The following SRFBP1 variants were observed in gnomAD, a reference collection of about 807,000 sequenced individuals.
SRFBP1 encodes serum response factor binding protein 1.
In SRFBP1, 47 loss-of-function variants were observed where a neutral mutation model predicts 45.5. The observed-to-expected ratio is 1.03, with a 90% CI of 0.82 to 1.32. The LOEUF (loss-of-function observed/expected upper bound fraction) is 1.32, where lower values mean the gene tolerates loss of function less well. Ranked by LOEUF, SRFBP1 falls within the 40% of genes most tolerant of loss-of-function variation. SRFBP1 has a pLI of 0.00. For synonymous variants in SRFBP1, 203 were observed against 166.3 expected (o/e 1.22, Z -1.70); for missense variants, 621 against 484.6 (o/e 1.28, Z -2.64).
At chr5:122,039,694 C>G (rs1753743605) in intron 2 of SRFBP1, among the ~76,000 whole-genome samples, 1 of 152,096 alleles carries the variant, frequency 6.6e-6, no homozygotes, top group Non-Finnish European at 1.5e-5. Context: ...TGAATAATTG[C>G]ATTGAGCAGA....
chr5:122,064,024 C>T (rs545222168), intron 2 of SRFBP1: 1 of 151,976 alleles, frequency 6.6e-6, no homozygotes, highest in Admixed American at 6.6e-5. Context: ...ATCTTTAACC[C>T]AGACTGTGGT....
chr5:121,977,160 G>GGTT, intron 3 of SRFBP1, among the ~76,000 whole-genome samples: 1 of 152,084 alleles, frequency 6.6e-6, no homozygotes, highest in African/African-American at 2.4e-5. Context: ...CATCACTATC[G>GGTT]TGGTTTGGTT....
chr5:122,051,261 C>T (rs961830205), intron 2 of SRFBP1, among the ~76,000 whole-genome samples: 1 of 151,798 alleles, frequency 6.6e-6, no homozygotes, highest in African/African-American at 2.4e-5. Context: ...AGAGTTCTGT[C>T]TGTTAGGTCC....
intron 3 of SRFBP1, among the ~76,000 whole-genome samples, chr5:121,985,529 G>A (rs1194168896): frequency 6.6e-6 from 1 of 151,702 alleles, no homozygotes; most frequent in Non-Finnish European, 1.5e-5. Context: ...TAATAAACTT[G>A]AATGAAAGAC....
At chr5:122,051,038 A>G (rs564338499) in intron 2 of SRFBP1, among the ~76,000 whole-genome samples, 5 of 152,144 alleles carry the variant, frequency 3.3e-5, no homozygotes, top group African/African-American at 9.6e-5. Context: ...CAGGTTATTT[A>G]TTTCTAGGTA....
chr5:122,035,181 G>A (rs547274560), intron 2 of SRFBP1, among the ~76,000 whole-genome samples: 1 of 151,874 alleles, frequency 6.6e-6, no homozygotes, highest in Non-Finnish European at 1.5e-5. Flanking sequence ...GTTTTTTCCA[G>A]TAGGGAAAAA....
Position 122,073,305 on chromosome 5 carries a change from T to C in SRFBP1, n.312-2010T>C, listed in dbSNP as rs567386222. Among the ~76,000 whole-genome samples the C allele has an allele frequency of 4.2e-4, 64 of 152,330 alleles. 2 individuals are homozygous for C. In the South Asian group the frequency reaches 0.013, roughly 30 times the overall value. On this transcript the variant is annotated intron_variant and non_coding_transcript_variant, in intron 2 of 2. Transcript: ENST00000504881. ...CCAATGATAAAACATGCAAACTGCT[T>C]AGTTCAGCACTACTTTAAAAAAATC... is the stretch of plus-strand genomic sequence containing the variant.
intron 2 of SRFBP1, among the ~76,000 whole-genome samples, chr5:122,047,304 A>G (rs1401237432): frequency 1.3e-5 from 2 of 152,180 alleles, no homozygotes; most frequent in African/African-American, 4.8e-5. Context: ...TAAATAGGGA[A>G]TCGTTTCCCC....
chr5:122,067,236 G>A (rs1754325019), intron 2 of SRFBP1, among the ~76,000 whole-genome samples: 1 of 151,982 alleles, frequency 6.6e-6, no homozygotes, highest in African/African-American at 2.4e-5. Context: ...AGATCTTCAT[G>A]TAAGGAAGTG....
chr5:122,054,717 A>G (rs996770661), intron 2 of SRFBP1, among the ~76,000 whole-genome samples: 6 of 152,108 alleles, frequency 3.9e-5, no homozygotes, highest in African/African-American at 1.2e-4. Flanking sequence ...CTCCACTACT[A>G]TTAGTTGGCA....
At chr5:122,025,192 A>G (rs1473322018) in intron 7 of SRFBP1, among the ~76,000 whole-genome samples, 4 of 151,070 alleles carry the variant, frequency 2.6e-5, no homozygotes, top group Admixed American at 6.6e-5. Flanking sequence ...ATTCCCACCT[A>G]TGAGTGAGGA....
At chr5:121,993,225 C>T (rs1752652459) in intron 3 of SRFBP1, among the ~76,000 whole-genome samples, 2 of 152,046 alleles carry the variant, frequency 1.3e-5, no homozygotes, top group South Asian at 4.2e-4. Context: ...CAAAAGTTGG[C>T]AAAATTACCT....
intron 5 of SRFBP1, among the ~76,000 whole-genome samples, chr5:122,019,681 A>G (rs1018551379): frequency 1.3e-5 from 2 of 151,150 alleles, no homozygotes; most frequent in African/African-American, 4.8e-5. Context: ...ATATATGTTT[A>G]TTATAAAATA....
At chr5:121,963,652 G>A (rs1200704368) in intron 1 of SRFBP1, among the ~76,000 whole-genome samples, 1 of 152,058 alleles carries the variant, frequency 6.6e-6, no homozygotes, top group Non-Finnish European at 1.5e-5. Context: ...TTTCTCCTCT[G>A]GAAACACTTA....
chr5:122,013,520 A>G (rs575724009), intron 4 of SRFBP1, among the ~76,000 whole-genome samples: 1 of 152,248 alleles, frequency 6.6e-6, no homozygotes, highest in African/African-American at 2.4e-5. Context: ...TTTAAAAAAT[A>G]CTAACATTGC....
intron 4 of SRFBP1, among the ~76,000 whole-genome samples, chr5:122,018,039 G>A (rs934822665): frequency 8.5e-5 from 13 of 152,190 alleles, no homozygotes; most frequent in Non-Finnish European, 1.5e-4. Flanking sequence ...ATAGTGATGG[G>A]AAGTGTTGTG....
At position 122,020,073 on chromosome 5, in the gene SRFBP1, C is replaced by T. The variant is rs372606888; in HGVS notation, c.353-15C>T. ...TTTCAGTGCTAAAATGAGTGATGCA[C>T]TGTTTCTCTTGCAGCTGCTGTACAA... On this transcript the variant is annotated splice_polypyrimidine_tract_variant and intron_variant, in intron 5 of 7. Coordinates refer to ENST00000339397, the MANE Select transcript of SRFBP1 (RefSeq NM_152546.3). 6.0e-6 allele frequency: 9 copies of T among 1,507,440 alleles called. No individual in the cohort carries two copies. The highest frequency in any genetic ancestry group is 8.0e-6 in the Non-Finnish European group (9 of 1,123,042). 93.4% of individuals were successfully genotyped at this position (1,507,440 alleles called of 1,614,324 possible).
At chr5:122,017,695 C>A (rs961528729) in intron 4 of SRFBP1, among the ~76,000 whole-genome samples, 4 of 152,186 alleles carry the variant, frequency 2.6e-5, no homozygotes, top group African/African-American at 9.7e-5. Flanking sequence ...ACATTACTCA[C>A]ATAAATCCTA....
chr5:122,046,650 T>C (rs955633401), intron 2 of SRFBP1, among the ~76,000 whole-genome samples: 5 of 152,244 alleles, frequency 3.3e-5, no homozygotes, highest in African/African-American at 7.2e-5. Context: ...TGAACTAGTT[T>C]ACAATCCCAC....
Sources: allele counts gnomAD v4.1 joint callset (sites outside exome capture counted in the v4.1 genomes callset), GRCh38; gene constraint gnomAD v4.1.1; transcripts MANE v1.5; gene names NCBI Gene and HGNC (gene_info 2026-07-23, HGNC 2026-07-21).